Variants in EIF4G2 observed in about 807,000 individuals in gnomAD.
EIF4G2 encodes the protein DAP-5.
In EIF4G2, 8 loss-of-function variants were observed where a neutral mutation model predicts 117.7. That is an observed-to-expected ratio of 0.07 (90% CI 0.04 to 0.12). The LOEUF is 0.12. Among genes scored for constraint, EIF4G2 ranks in the 10% least tolerant of loss-of-function variants. The pLI is 1.00. For synonymous variants in EIF4G2, 413 were observed against 367.8 expected, an observed-to-expected ratio of 1.12 and a Z score of -1.41; for missense variants, 812 against 1,086.2, an observed-to-expected ratio of 0.75 and a Z score of 3.55.
intron 21 of EIF4G2, 125 bp downstream of exon 21, chr11:10,798,867 A>T (rs1374366851): frequency 9.2e-7 from 1 of 1,085,078 alleles, no homozygotes; most frequent in Non-Finnish European, 1.3e-6. Context: ...AATGAAATGT[A>T]CAGGTGAAGA....
At position 10,800,767 on chromosome 11, in the gene EIF4G2, C is replaced by T. The variant is rs1216814702; in HGVS notation, c.1608G>A (p.Lys536=). The change falls in exon 16 of 22, where the codon AAG becomes AAA. Residue 536 remains lysine, a synonymous_variant. Transcript: ENST00000339995. ...GGAGTTCTTCCTTTGACGGTGGTGG[C>T]TTTTTGCTGGTCTTGGCAGGCTTTT... 8 of 1,614,126 alleles carry T rather than the reference C, an allele frequency of 5.0e-6. No individual in the cohort carries two copies. The South Asian group carries it at 5.5e-5, about 11-fold the overall frequency.
At position 10,797,907 on chromosome 11, in the gene EIF4G2, A is replaced by T. The variant is rs1334202997; in HGVS notation, c.2659-26T>A. Reference sequence around the variant, plus strand: ...CTATAAATTAAGATTTGTAAATTAAAATAGTTCATGATATAAACAGAAATC... The same window carrying T: ...CTATAAATTAAGATTTGTAAATTAATATAGTTCATGATATAAACAGAAATC... On this transcript the variant is annotated intron_variant, in intron 21 of 21. Transcript: ENST00000339995. This position sits in a 1 kb window ranked among gnomAD's most constrained non-coding sequence, Gnocchi z 4.5. The T allele has an allele frequency of 3.1e-6, 5 of 1,607,536 alleles. No individual in the cohort carries two copies. The African/African-American group carries it at 6.7e-5, about 22-fold the overall frequency.
At chr11:10,805,731 G>C (rs1346941852) in intron 4 of EIF4G2, among the ~76,000 whole-genome samples, 176 bp downstream of exon 4, 1 of 152,090 alleles carries the variant, frequency 6.6e-6, no homozygotes, top group African/African-American at 2.4e-5. Context: ...GGGATTACAG[G>C]CGTGAGCCAC....
At chr11:10,808,513 T>A (rs1179144971) in intron 1 of EIF4G2, 192 bp downstream of exon 1, 2 of 1,220,462 alleles carry the variant, frequency 1.6e-6, no homozygotes, top group Admixed American at 6.2e-5. Flanking sequence ...TTCCTTCTAC[T>A]CCGTCAGCAA....
Position 10,804,218 on chromosome 11 carries a change from A to T in EIF4G2, c.484-15T>A, listed in dbSNP as rs942794099. On this transcript the variant is annotated splice_polypyrimidine_tract_variant and intron_variant, in intron 6 of 21. Transcript: ENST00000339995. ...CGTCTGAATGTCTGGAAAAGAAGAC[A>T]TTGTCATGCTTTATTAAGGAAATTT... 6.2e-7 allele frequency: 1 copy of T among 1,613,852 alleles called. No individual in the cohort carries two copies. The highest frequency in any genetic ancestry group is 1.1e-5 in the South Asian group (1 of 91,044).
Position 10,801,373 on chromosome 11 carries a change from GC to G in EIF4G2, c.1413+287del. 4.9e-6 allele frequency: 3 copies of G among 616,424 alleles called. No homozygotes were observed. The East Asian group carries it at 8.8e-5, about 18-fold the overall frequency. 38.2% of individuals were successfully genotyped at this position (616,424 alleles called of 1,614,324 possible). Reference sequence around the variant, plus strand: ...CAAATTTAACTACAGTTTAGAAAATGCCCTGTTTTATCCTTAGTTAAATCAC... The same window carrying G: ...CAAATTTAACTACAGTTTAGAAAATGCCTGTTTTATCCTTAGTTAAATCAC... On this transcript the variant is annotated intron_variant, in intron 14 of 21. Coordinates refer to ENST00000339995, the MANE Select transcript of EIF4G2 (RefSeq NM_001418.4).
intron 3 of EIF4G2, chr11:10,806,607 G>C (rs889484391): frequency 1.9e-6 from 1 of 531,388 alleles, no homozygotes; most frequent in South Asian, 2.9e-5. Flanking sequence ...CAAAGAATAA[G>C]GAAAAAAATA....
At chr11:10,808,577 A>G in intron 1 of EIF4G2, 128 bp downstream of exon 1, 1 of 968,576 alleles carries the variant, frequency 1.0e-6, no homozygotes. Context: ...CGCAGAGGAA[A>G]TGCTAAAAAA....
intron 21 of EIF4G2, 61 bp downstream of exon 21, chr11:10,798,926 TCTTAA>T (rs1306025694): frequency 6.4e-7 from 1 of 1,551,762 alleles, no homozygotes; most frequent in East Asian, 2.3e-5. Context: ...TGAAAAAGGC[TCTTAA>T]CTTGAAGTTA....
chr11:10,808,284 C>T, intron 1 of EIF4G2: 1 of 1,217,638 alleles, frequency 8.2e-7, no homozygotes, highest in Non-Finnish European at 1.0e-6. Context: ...CACCTCCCCG[C>T]CGGGAGGCCA....
chr11:10,807,058 G>A, intron 2 of EIF4G2, 173 bp from the exon 3 acceptor site: 2 of 1,127,930 alleles, frequency 1.8e-6, no homozygotes, highest in Non-Finnish European at 1.3e-6. Context: ...AATGAAGACT[G>A]AACTCGGACC....
Position 10,806,094 on chromosome 11 carries a change from G to C in EIF4G2, c.108-47C>G, listed in dbSNP as rs765714207. The C allele has an allele frequency of 2.5e-6, 4 of 1,609,516 alleles. No homozygotes were observed. The African/African-American group carries it at 4.0e-5, about 16-fold the overall frequency. On this transcript the variant is annotated intron_variant, in intron 3 of 21. Coordinates refer to ENST00000339995, the MANE Select transcript of EIF4G2 (RefSeq NM_001418.4). ...AAACACTTATTGTCACACACCAAAT[G>C]TTAAACATCATAAATTCTCTTACAT...
Position 10,799,403 on chromosome 11 carries a change from A to G in EIF4G2, c.2346T>C (p.Ser782=). Residue 782 remains serine, a synonymous_variant, in exon 20 of 22, where the codon AGT becomes AGC. Coordinates refer to ENST00000339995, the MANE Select transcript of EIF4G2 (RefSeq NM_001418.4). ...TTTCATCGCTGGGGGGGTTTACTTCACTAGAAATGTACTGTAAGAAGCTGG... is the reference window on the plus strand; with the variant it reads ...TTTCATCGCTGGGGGGGTTTACTTCGCTAGAAATGTACTGTAAGAAGCTGG... 6.2e-7 allele frequency: 1 copy of G among 1,611,704 alleles called. No individual in the cohort carries two copies. The highest frequency in any genetic ancestry group is 8.5e-7 in the Non-Finnish European group (1 of 1,180,026).
rs1847480896 is a variant in EIF4G2, at chr11:10,803,411, T to C, written c.813+69A>G. On this transcript the variant is annotated intron_variant, in intron 9 of 21. Coordinates refer to ENST00000339995, the MANE Select transcript of EIF4G2 (RefSeq NM_001418.4). This position sits in a 1 kb window ranked among gnomAD's most constrained non-coding sequence, Gnocchi z 4.0. ...GGCTAAATATGGCAATCCCTTATGATGTCACAAAAATCAATAGCTTGATTT... is the reference window on the plus strand; with the variant it reads ...GGCTAAATATGGCAATCCCTTATGACGTCACAAAAATCAATAGCTTGATTT... 1.9e-6 allele frequency: 3 copies of C among 1,563,996 alleles called. No homozygotes were observed. Among genetic ancestry groups the C allele is most frequent in the East Asian group, 4.5e-5 (2 of 44,586 alleles).
chr11:10,808,177 C>T (rs1012497634), intron 1 of EIF4G2: 4 of 1,118,416 alleles, frequency 3.6e-6, no homozygotes, highest in Non-Finnish European at 2.2e-6. Context: ...TGACAACCGC[C>T]TCGCCACGGC....
Position 10,803,094 on chromosome 11 carries a change from G to A in EIF4G2, c.932C>T (p.Pro311Leu). Residue 311 changes from proline (P) to leucine (L), a missense_variant, in exon 11 of 22, where the codon CCT (proline) becomes CTT (leucine). This residue lies in a region of EIF4G2 where 154 missense variants were observed against 322.1 expected (regional missense o/e 0.48). Coordinates refer to ENST00000339995, the MANE Select transcript of EIF4G2 (RefSeq NM_001418.4). The surrounding 1 kb of genome is among the most constrained non-coding windows in gnomAD (Gnocchi z 4.0). ...TCCATTGTCAAGAAAAGCCTTGCGA[G>A]GAACCCAATGGTGTTCTCGCAACTC... 1 of 1,609,456 alleles carries A rather than the reference G, an allele frequency of 6.2e-7. No homozygotes were observed. Among genetic ancestry groups the A allele is most frequent in the Non-Finnish European group, 8.5e-7 (1 of 1,177,132 alleles).
chr11:10,802,518 A>G, intron 11 of EIF4G2, 83 bp from the exon 12 acceptor site: 2 of 1,430,320 alleles, frequency 1.4e-6, no homozygotes, highest in Non-Finnish European at 9.3e-7. Flanking sequence ...TAGGGGGGGA[A>G]ACCTAGAATA....
chr11:10,801,370 A>G (rs1353168564), intron 14 of EIF4G2: 2 of 619,454 alleles, frequency 3.2e-6, no homozygotes, highest in African/African-American at 3.7e-5. Context: ...CAGTTTAGAA[A>G]ATGCCCTGTT....
At chr11:10,800,392 T>A in intron 17 of EIF4G2, 40 bp downstream of exon 17, 1 of 1,612,546 alleles carries the variant, frequency 6.2e-7, no homozygotes, top group East Asian at 2.2e-5. Flanking sequence ...CGAATTTGAG[T>A]GGTAAGAGTT....
Sources: allele counts gnomAD v4.1 joint callset (sites outside exome capture counted in the v4.1 genomes callset), GRCh38; gene constraint gnomAD v4.1.1; regional missense constraint gnomAD v4.1.1; non-coding constraint Gnocchi (gnomAD v3.1); transcripts MANE v1.5; gene names NCBI Gene and HGNC (gene_info 2026-07-23, HGNC 2026-07-21).